PDE4DIP: variants seen among roughly 807,000 people sequenced by gnomAD.
PDE4DIP encodes the protein myomegalin.
A neutral mutation model predicts 221.4 loss-of-function variants in PDE4DIP; 59 were observed. The ratio of observed to expected loss-of-function variants is 0.27; its 90% CI spans 0.22 to 0.33. The LOEUF is 0.33. PDE4DIP is among the 10% of genes least tolerant of loss of function. The probability of loss-of-function intolerance (pLI) is 1.00; values close to 1 mark genes in which losing one functional copy is unlikely to be tolerated. For synonymous variants in PDE4DIP, 404 were observed against 815.9 expected, an observed-to-expected ratio of 0.50 and a Z score of 8.60; for missense variants, 1,036 against 2,154.2, an observed-to-expected ratio of 0.48 and a Z score of 10.28.
At chr1:148,919,331 G>T (rs1432990414) in intron 1 of PDE4DIP, among the ~76,000 whole-genome samples, 27 of 151,590 alleles carry the variant, frequency 1.8e-4, no homozygotes, top group Non-Finnish European at 3.5e-4. Context: ...ATAAAGCTTT[G>T]GGGACGACCA....
chr1:149,029,713 T>G, intron 41 of PDE4DIP, 74 bp from the exon 45 acceptor site: 1 of 768,788 alleles, frequency 1.3e-6, no homozygotes, highest in Non-Finnish European at 2.2e-6. Flanking sequence ...CTTCTTTGAA[T>G]TGGAAAGAGC....
At chr1:148,893,055 ATGTGTGTGTC>A (rs1272133764) in intron 1 of PDE4DIP, among the ~76,000 whole-genome samples, 6 of 77,718 alleles carry the variant, frequency 7.7e-5, no homozygotes, top group African/African-American at 2.8e-4. Flanking sequence ...TTATATATAT[ATGTGTGTGTC>A]TGTGTGTGTG....
chr1:148,990,220 T>C, intron 21 of PDE4DIP: 1 of 985,024 alleles, frequency 1.0e-6, no homozygotes, highest in Non-Finnish European at 1.2e-6. Flanking sequence ...TTTCAGCATT[T>C]TAATTCAAAT....
intron 21 of PDE4DIP, chr1:148,985,161 C>CT (rs1242245240): frequency 3.9e-5 from 6 of 152,130 alleles, no homozygotes; most frequent in Non-Finnish European, 7.4e-5. Context: ...AGTATTTTCT[C>CT]TGAGTTCTCT....
chr1:149,000,561 A>AT (rs1338532155), intron 23 of PDE4DIP, among the ~76,000 whole-genome samples: 2 of 151,926 alleles, frequency 1.3e-5, no homozygotes, highest in African/African-American at 4.8e-5. Context: ...CTCAAAAAAA[A>AT]AAAATAAATA....
chr1:148,951,717 T>C (rs1387912479), intron 5 of PDE4DIP, among the ~76,000 whole-genome samples: 3 of 152,310 alleles, frequency 2.0e-5, no homozygotes, highest in South Asian at 2.1e-4. Flanking sequence ...CAGATTCACA[T>C]TGTATGTGCC....
At chr1:148,975,092 A>G (rs1422979109) in intron 17 of PDE4DIP, among the ~76,000 whole-genome samples, 1 of 144,616 alleles carries the variant, frequency 6.9e-6, no homozygotes, top group Non-Finnish European at 1.5e-5. Context: ...AATCACTTGA[A>G]CCCGGGAGGC....
chr1:148,846,360 C>G lies in PDE4DIP; in HGVS notation c.234-16890C>G, dbSNP rs1553382742. Among the ~76,000 whole-genome samples the G allele has an allele frequency of 5.0e-5, 4 of 80,400 alleles. No homozygotes were observed. The South Asian group carries it at 2.0e-3, about 40-fold the overall frequency. 52.7% of individuals were successfully genotyped at this position (80,400 alleles called of 152,430 possible). ...TCCGGAGGCTGAGGCAGGAGAATCGCTTGAACCCGGGAGGAGAAGTTTGTG... is the reference window on the plus strand; with the variant it reads ...TCCGGAGGCTGAGGCAGGAGAATCGGTTGAACCCGGGAGGAGAAGTTTGTG... On this transcript the variant is annotated intron_variant, in intron 1 of 45. Coordinates refer to the PDE4DIP transcript ENST00000524974.
At chr1:148,889,621 GCC>G in exon 1 of PDE4DIP, 1 of 1,242,700 alleles carries the variant, frequency 8.0e-7, no homozygotes. Flanking sequence ...GGGCCATGTC[GCC>G]GTAGCCCCAG....
intron 41 of PDE4DIP, 89 bp downstream of exon 44, chr1:149,028,792 A>G (rs2075907544): frequency 1.4e-6 from 1 of 734,838 alleles, no homozygotes; most frequent in Admixed American, 2.4e-5. Flanking sequence ...GCTTTTCCAG[A>G]AAATCAGGAG....
In PDE4DIP at chr1:148,970,037, A is replaced by G. The variant is rs587603258; in HGVS notation, c.1980+1007A>G. Among the ~76,000 whole-genome samples, 6 of 151,996 alleles carry G rather than the reference A, an allele frequency of 3.9e-5. No homozygotes were observed. The South Asian group carries it at 6.2e-4, about 16-fold the overall frequency. ...AAAGTGTTAATTTTTCCTCATTTCT[A>G]TGTGTTTTCTCCTCAAGGCTAAAAA... On this transcript the variant is annotated intron_variant, in intron 14 of 43. Transcript: ENST00000369354.
chr1:149,004,346 T>G (rs1698600), intron 26 of PDE4DIP, among the ~76,000 whole-genome samples: 1 of 150,412 alleles, frequency 6.6e-6, no homozygotes, highest in Admixed American at 6.6e-5. Flanking sequence ...TTAGTTCTCA[T>G]TCTGACTACC....
chr1:148,954,457 C>G (rs1296417217), intron 5 of PDE4DIP, among the ~76,000 whole-genome samples: 13 of 151,872 alleles, frequency 8.6e-5, no homozygotes, highest in African/African-American at 3.1e-4. Context: ...AACATCTGGA[C>G]CATATTAATT....
At chr1:149,029,658 G>C (rs1328907256) in intron 41 of PDE4DIP, 129 bp from the exon 45 acceptor site, 6 of 739,072 alleles carry the variant, frequency 8.1e-6, no homozygotes, top group Non-Finnish European at 1.3e-5. Context: ...CCGAGGCTGT[G>C]AAGGAGGAAA....
intron 13 of PDE4DIP, 74 bp from the exon 17 acceptor site, chr1:148,968,762 T>C: frequency 1.3e-6 from 1 of 757,984 alleles, no homozygotes; most frequent in Non-Finnish European, 2.2e-6. Flanking sequence ...CTATGATAGA[T>C]TCTTATAAGC....
chr1:148,998,269 G>T, exon 23 of PDE4DIP: 2 of 1,613,360 alleles, frequency 1.2e-6, no homozygotes, highest in Non-Finnish European at 1.7e-6. Flanking sequence ...CCACCTGAGG[G>T]CTGAGTTCCA....
chr1:149,006,581 G>T (rs1455462985), intron 27 of PDE4DIP: 1 of 151,986 alleles, frequency 6.6e-6, no homozygotes, highest in Admixed American at 6.6e-5. Flanking sequence ...TAACTGCTGT[G>T]AATCTATGTG....
chr1:148,975,347 A>G (rs587603563), intron 17 of PDE4DIP, among the ~76,000 whole-genome samples: 6 of 146,684 alleles, frequency 4.1e-5, no homozygotes, highest in African/African-American at 1.5e-4. Context: ...GTACTGTGCT[A>G]GGTATTTAAA....
At chr1:148,950,522 G>T (rs2151212991) in intron 5 of PDE4DIP, among the ~76,000 whole-genome samples, 1 of 152,138 alleles carries the variant, frequency 6.6e-6, no homozygotes, top group South Asian at 2.1e-4. Flanking sequence ...AAAGAAAAGA[G>T]GTTTAATTGG....
Sources: gnomAD v4.1 joint callset for allele counts (sites outside exome capture counted in the v4.1 genomes callset) on GRCh38, gnomAD v4.1.1 for gene constraint, MANE v1.5 for transcripts, NCBI Gene and HGNC (gene_info 2026-07-23, HGNC 2026-07-21) for gene names.